The following SKA3 variants were observed in gnomAD, a reference collection of about 807,000 sequenced individuals.
The protein encoded by SKA3 is spindle and kinetochore-associated protein 3.
SKA3 carries 39 observed loss-of-function variants against 44.2 expected under a neutral mutation model. The ratio of observed to expected loss-of-function variants is 0.88; its 90% CI spans 0.68 to 1.15. The LOEUF is 1.15. SKA3 is among the 50% of genes most tolerant of loss of function. The pLI is 0.00. For missense variants in SKA3, 511 were observed against 485.8 expected, an observed-to-expected ratio of 1.05 and a Z score of -0.49; for synonymous variants, 192 against 172.0, an observed-to-expected ratio of 1.12 and a Z score of -0.91.
At chr13:21,171,963 T>C (rs1871079995) in intron 3 of SKA3, among the ~76,000 whole-genome samples, 1 of 152,148 alleles carries the variant, frequency 6.6e-6, no homozygotes, top group African/African-American at 2.4e-5. Context: ...ACAAGAAAAA[T>C]GAAATAACAT....
rs772109707 is a variant in SKA3, at chr13:21,168,213, G to A, written c.518C>T (p.Pro173Leu). The A allele has an allele frequency of 6.2e-7, 1 of 1,614,156 alleles. No individual in the cohort carries two copies. The part of the protein sequence containing the change: ...LERYIVSQVL[P>L]NPPQAVNNYK... ...GTTGTTCACTGCCTGTGGAGGGTTT[G>A]GTAGAACTTGGGATACGATGTACCG... Residue 173 changes from proline to leucine, a missense_variant, in exon 4 of 9, where the codon CCA (proline) becomes CTA (leucine). Transcript: ENST00000314759.
At chr13:21,161,416 C>A (rs1870431650) in intron 5 of SKA3, among the ~76,000 whole-genome samples, 1 of 151,962 alleles carries the variant, frequency 6.6e-6, no homozygotes. Context: ...TTAAAAGAAA[C>A]CAAAATTTAA....
rs191455677 is a variant in SKA3, at chr13:21,156,684, T to C, written c.1120-873A>G. 3.3e-5 allele frequency among the ~76,000 whole-genome samples: 5 copies of C among 152,358 alleles called. No homozygotes were observed. The East Asian group carries it at 9.6e-4, about 29-fold the overall frequency. Reference sequence around the variant, plus strand: ...ATATCCTAGCATGAGTCAGTTCTAATGGCATCTGAGTATTTTCCGAAGTGA... The same window carrying C: ...ATATCCTAGCATGAGTCAGTTCTAACGGCATCTGAGTATTTTCCGAAGTGA... On this transcript the variant is annotated intron_variant, in intron 7 of 8. Transcript: ENST00000314759.
intron 6 of SKA3, 86 bp from the exon 7 acceptor site, chr13:21,158,211 G>T: frequency 1.3e-6 from 1 of 743,980 alleles, no homozygotes; most frequent in Non-Finnish European, 2.0e-6. Flanking sequence ...TACTTCTATT[G>T]GGGTCTCTAA....
Position 21,154,008 on chromosome 13 carries a change from GAC to G in SKA3, c.*1140_*1141del, listed in dbSNP as rs1270303902. ...GGACAAACTCAAGTTTTGTTTTGGT[GAC>G]AGTTTTCTGACAAGATTAATAGAGC... On this transcript the variant is annotated 3_prime_UTR_variant, in exon 9 of 9. Transcript: ENST00000314759. The G allele has an allele frequency of 6.6e-6, 1 of 152,188 alleles. No homozygotes were observed. Among genetic ancestry groups the G allele is most frequent in the Non-Finnish European group, 1.5e-5 (1 of 68,032 alleles). 9.4% of individuals were successfully genotyped at this position (152,188 alleles called of 1,614,324 possible). A position where few individuals can be genotyped will look rare whatever the true frequency, so the allele number is the denominator to read the frequency against.
chr13:21,176,502 C>A lies in SKA3; in HGVS notation c.-25G>T. The A allele has an allele frequency of 6.8e-7, 1 of 1,460,572 alleles. No homozygotes were observed. 90.5% of individuals were successfully genotyped at this position (1,460,572 alleles called of 1,614,324 possible). On this transcript the variant is annotated 5_prime_UTR_variant, in exon 1 of 9. Transcript: ENST00000314759. Reference sequence around the variant, plus strand: ...TGCTGAGCACAGCGGGGAAGGACTCCAGGCGTACGCAGACCCCACCGCTCA... The same window carrying A: ...TGCTGAGCACAGCGGGGAAGGACTCAAGGCGTACGCAGACCCCACCGCTCA...
In SKA3 at chr13:21,161,871, C is replaced by T. The variant is rs778504634; in HGVS notation, c.748G>A (p.Glu250Lys). Reference protein sequence around the residue: ...LKNARNNKSEEAIDTESRLND... With the variant: ...LKNARNNKSEKAIDTESRLND... Reference sequence around the variant, plus strand: ...AGCCTGGATTCTGTATCTATGGCCTCCTCACTGGTGTGATTCATAGGGAAA... The same window carrying T: ...AGCCTGGATTCTGTATCTATGGCCTTCTCACTGGTGTGATTCATAGGGAAA... Residue 250 changes from glutamate (E) to lysine (K), a missense_variant, in exon 5 of 9, where the codon GAG becomes AAG. Glu to Lys is a moderately conservative substitution (Grantham distance 56, BLOSUM62 1). Transcript: ENST00000314759. The T allele has an allele frequency of 3.7e-6, 6 of 1,607,670 alleles. No homozygotes were observed. The highest frequency in any genetic ancestry group is 5.1e-6 in the Non-Finnish European group (6 of 1,175,998).
At position 21,168,409 on chromosome 13, in the gene SKA3, A is replaced by G. The variant is rs746110384; in HGVS notation, c.332-10T>C. ...GCTTCTTGCTCGTGTACTAGGAGGA[A>G]AAATCAGAATATTCTGGTCAAACTC... On this transcript the variant is annotated splice_polypyrimidine_tract_variant and intron_variant, in intron 3 of 8. Transcript: ENST00000314759. The G allele has an allele frequency of 6.0e-6, 7 of 1,169,736 alleles. No individual in the cohort carries two copies. In the East Asian group the frequency reaches 2.0e-4, roughly 33 times the overall value. 72.5% of individuals were successfully genotyped at this position (1,169,736 alleles called of 1,614,324 possible).
At position 21,168,263 on chromosome 13, in the gene SKA3, T is replaced by C. The variant is rs761745877; in HGVS notation, c.468A>G (p.Pro156=). ...GCTCAAGTCCAAAATCTGAAAGTTGTGGACTACGTGGAGACTTCTCAGAAA... is the reference window on the plus strand; with the variant it reads ...GCTCAAGTCCAAAATCTGAAAGTTGCGGACTACGTGGAGACTTCTCAGAAA... ...SCISEKSPRS[P]QLSDFGLERY... The change falls in exon 4 of 9, where the codon CCA becomes CCG. Residue 156 remains proline (P), a synonymous_variant. Transcript: ENST00000314759. The C allele has an allele frequency of 2.5e-6, 4 of 1,614,220 alleles. No homozygotes were observed. In the South Asian group the frequency reaches 4.4e-5, roughly 18 times the overall value.
chr13:21,155,825 A>AAAT lies in SKA3; in HGVS notation c.1120-15_1120-14insATT. 1 of 990,146 alleles carries AAAT rather than the reference A, an allele frequency of 1.0e-6. No homozygotes were observed. Among genetic ancestry groups the AAAT allele is most frequent in the Non-Finnish European group, 1.4e-6 (1 of 710,700 alleles). The allele number at this position is 990,146 out of a possible 1,614,324, so 61.3% of individuals were successfully genotyped here. ...TTTTGATAAAAGCTAAAAAAAAAAA[A>AAAT]GGAAATTCCTTTTTATCGAGCCATA... On this transcript the variant is annotated splice_polypyrimidine_tract_variant and intron_variant, in intron 7 of 8. Transcript: ENST00000314759.
intron 4 of SKA3, among the ~76,000 whole-genome samples, chr13:21,165,456 G>T (rs1406712277): frequency 1.3e-4 from 18 of 143,944 alleles, no homozygotes; most frequent in African/African-American, 4.7e-4. Context: ...AATACATAAA[G>T]AAAGAAATAG....
At chr13:21,158,792 A>G (rs1162315447) in intron 6 of SKA3, among the ~76,000 whole-genome samples, 2 of 152,256 alleles carry the variant, frequency 1.3e-5, no homozygotes, top group African/African-American at 4.8e-5. Flanking sequence ...AAAGGAAGAA[A>G]GCAGATCAGA....
intron 1 of SKA3, 115 bp downstream of exon 1, chr13:21,176,260 A>T: frequency 3.6e-6 from 3 of 830,524 alleles, no homozygotes; most frequent in Non-Finnish European, 5.2e-6. Flanking sequence ...CCTCGGTGGC[A>T]GCCGTCCACG....
At chr13:21,155,892 C>A in intron 7 of SKA3, 81 bp from the exon 8 acceptor site, 1 of 748,126 alleles carries the variant, frequency 1.3e-6, no homozygotes, top group Non-Finnish European at 2.1e-6. Context: ...ACAAAATGTT[C>A]AATAAAAGCT....
chr13:21,168,599 TCACTGCAGCCTCGA>T (rs1275383852), intron 3 of SKA3, among the ~76,000 whole-genome samples, 200 bp from the exon 4 acceptor site: 2 of 152,198 alleles, frequency 1.3e-5, no homozygotes, highest in Admixed American at 1.3e-4. Context: ...TGATCACAGC[TCACTGCAGCCTCGA>T]CCTCCTGGGC....
In SKA3 at chr13:21,172,387, C is replaced by T. The variant is rs1871103631; in HGVS notation, c.283G>A (p.Glu95Lys). 2 of 1,585,570 alleles carry T rather than the reference C, an allele frequency of 1.3e-6. No homozygotes were observed. Among genetic ancestry groups the T allele is most frequent in the South Asian group, 2.3e-5 (2 of 86,108 alleles). Residue 95 changes from glutamate (E) to lysine (K), a missense_variant, in exon 3 of 9, where the codon GAG becomes AAG. Physicochemically the swap from Glu to Lys is moderately conservative, Grantham distance 56. Transcript: ENST00000314759. ...KNSMDIMKIREYFQKYGYSPR... is the reference protein window; with the variant it reads ...KNSMDIMKIRKYFQKYGYSPR... ...CTATATCCATACTTCTGGAAATACT[C>T]TCTTATTTTCATAATATCCATTGAA...
chr13:21,172,753 A>G, intron 1 of SKA3, 72 bp from the exon 2 acceptor site: 2 of 830,278 alleles, frequency 2.4e-6, no homozygotes, highest in South Asian at 1.8e-5. Context: ...AGAATAGTAT[A>G]CAATCATATA....
At chr13:21,165,448 T>C (rs979734422) in intron 4 of SKA3, among the ~76,000 whole-genome samples, 1 of 151,262 alleles carries the variant, frequency 6.6e-6, no homozygotes, top group African/African-American at 2.5e-5. Context: ...AATAAATAAA[T>C]ACATAAAGAA....
intron 1 of SKA3, among the ~76,000 whole-genome samples, chr13:21,173,735 T>C (rs541288970): frequency 1.3e-5 from 2 of 152,336 alleles, no homozygotes; most frequent in South Asian, 2.1e-4. Context: ...CGTGATACCA[T>C]ATTTATTTAT....
Sources: gnomAD v4.1 joint callset for allele counts (sites outside exome capture counted in the v4.1 genomes callset) on GRCh38, gnomAD v4.1.1 for gene constraint, MANE v1.5 for transcripts, NCBI Gene and HGNC (gene_info 2026-07-23, HGNC 2026-07-21) for gene names.